PCDH15: variants seen among roughly 807,000 people sequenced by gnomAD.
PCDH15 encodes the protein protocadherin-15.
In PCDH15, 129 loss-of-function variants were observed where a neutral mutation model predicts 178.5. The observed-to-expected ratio is 0.72, with a 90% CI of 0.63 to 0.84. The LOEUF (loss-of-function observed/expected upper bound fraction) is 0.84. PCDH15 is among the 40% of genes least tolerant of loss of function. The probability of loss-of-function intolerance (pLI) is 0.00; values close to 1 mark genes in which losing one functional copy is unlikely to be tolerated. For missense variants in PCDH15, 2,230 were observed against 2,099.9 expected (o/e 1.06, Z -1.21); for synonymous variants, 800 against 732.0 (o/e 1.09, Z -1.50).
chr10:53,924,798 C>G (rs1174553935), intron 25 of PCDH15, among the ~76,000 whole-genome samples: 2 of 152,168 alleles, frequency 1.3e-5, no homozygotes, highest in Non-Finnish European at 2.9e-5. Flanking sequence ...TTATGTCTAG[C>G]TAAGGGACTG....
At chr10:55,015,494 T>A (rs1190625534) in intron 2 of PCDH15, among the ~76,000 whole-genome samples, 1 of 152,276 alleles carries the variant, frequency 6.6e-6, no homozygotes, top group Non-Finnish European at 1.5e-5. Context: ...CTGTTCAATG[T>A]ACTTAGGAAG....
At position 54,277,855 on chromosome 10, in the gene PCDH15, G is replaced by A. The variant is rs1399315660; in HGVS notation, c.876+39416C>T. Among the ~76,000 whole-genome samples the A allele has an allele frequency of 2.0e-5, 3 of 150,894 alleles. No individual in the cohort carries two copies. The Admixed American group carries it at 2.0e-4, about 10-fold the overall frequency. On this transcript the variant is annotated intron_variant, in intron 8 of 37. Coordinates refer to ENST00000644397, the MANE Select transcript of PCDH15 (RefSeq NM_001384140.1). ...GATTGTAGGGTGAGAGGAGTATAGA[G>A]GAAGCCAATATAATACATCAAGGTT... is the stretch of plus-strand genomic sequence containing the variant.
At chr10:54,892,282 A>G (rs1289979187) in intron 3 of PCDH15, among the ~76,000 whole-genome samples, 1 of 152,200 alleles carries the variant, frequency 6.6e-6, no homozygotes, top group African/African-American at 2.4e-5. Flanking sequence ...GTTTAAGTAA[A>G]ATAAATTTTA....
chr10:55,499,160 G>C lies in PCDH15; in HGVS notation c.-156+128465C>G, dbSNP rs77792888. The stretch of plus-strand genomic sequence containing the variant: ...TGATTTCTTCTTGGTGAGACACTGA[G>C]CAGGGGAAATAGCTTATCCAAACCC... On this transcript the variant is annotated intron_variant, in intron 2 of 5. Transcript: ENST00000613346. Among the ~76,000 whole-genome samples, 919 of 151,844 alleles carry C rather than the reference G, an allele frequency of 6.1e-3. 10 individuals are homozygous for C. The highest frequency in any genetic ancestry group is 0.021 in the African/African-American group (886 of 41,468).
chr10:53,935,861 A>G (rs1174780044), intron 25 of PCDH15, among the ~76,000 whole-genome samples: 1 of 152,000 alleles, frequency 6.6e-6, no homozygotes, highest in Non-Finnish European at 1.5e-5. Context: ...TGAATATAGA[A>G]GTAATAAAAA....
At chr10:53,979,946 C>T (rs528065375) in intron 21 of PCDH15, among the ~76,000 whole-genome samples, 21 of 152,270 alleles carry the variant, frequency 1.4e-4, no homozygotes, top group East Asian at 5.8e-4. Flanking sequence ...AGGCCAGGTG[C>T]GGCGGCTCAC....
At chr10:54,125,524 T>C (rs1048023789) in intron 15 of PCDH15, among the ~76,000 whole-genome samples, 3 of 152,176 alleles carry the variant, frequency 2.0e-5, no homozygotes, top group Non-Finnish European at 4.4e-5. Context: ...AGATGTACTT[T>C]GCTATTGAAG....
At chr10:54,293,081 A>G (rs867492491) in intron 8 of PCDH15, among the ~76,000 whole-genome samples, 2 of 152,340 alleles carry the variant, frequency 1.3e-5, no homozygotes, top group South Asian at 2.1e-4. Flanking sequence ...ACAAAGCTAC[A>G]GTAACCAAAA....
chr10:55,248,122 C>G (rs1418215168), intron 1 of PCDH15, among the ~76,000 whole-genome samples: 3 of 151,044 alleles, frequency 2.0e-5, no homozygotes, highest in Non-Finnish European at 4.4e-5. Flanking sequence ...TTGGGGCTTT[C>G]TTAATCTTTT....
rs1554965277 is a variant in PCDH15 at position 54,099,513 on chromosome 10, AAT to A, written c.1918-9452_1918-9451del. 1.8e-3 allele frequency among the ~76,000 whole-genome samples: 217 copies of A among 117,878 alleles called. 5 individuals are homozygous for A. The highest frequency in any genetic ancestry group is 7.6e-3 in the East Asian group (30 of 3,936). The allele number at this position is 117,878 out of a possible 152,430, so 77.3% of individuals were successfully genotyped here. A position where few individuals can be genotyped will look rare whatever the true frequency, so the allele number is the denominator to read the frequency against. ...GACTCCATCTCAAAAAAAAAAAAAAAATATATATATATATATATAAAACAAAA... is the reference window on the plus strand; with the variant it reads ...GACTCCATCTCAAAAAAAAAAAAAAAATATATATATATATATAAAACAAAA... On this transcript the variant is annotated intron_variant, in intron 15 of 37. Coordinates refer to ENST00000644397, the MANE Select transcript of PCDH15 (RefSeq NM_001384140.1).
chr10:54,683,745 A>G (rs1298429534), intron 1 of PCDH15, among the ~76,000 whole-genome samples: 1 of 152,122 alleles, frequency 6.6e-6, no homozygotes, highest in Non-Finnish European at 1.5e-5. Context: ...TTTGAAGTAC[A>G]TTATGCTTGC....
intron 23 of PCDH15, among the ~76,000 whole-genome samples, chr10:53,952,095 G>A (rs1436135227): frequency 6.6e-6 from 1 of 152,196 alleles, no homozygotes; most frequent in Non-Finnish European, 1.5e-5. Context: ...CCCTGGCTCA[G>A]GGAGCTCCTA....
chr10:53,813,887 G>C (rs1340253615), intron 35 of PCDH15, among the ~76,000 whole-genome samples: 1 of 152,134 alleles, frequency 6.6e-6, no homozygotes, highest in Non-Finnish European at 1.5e-5. Context: ...AGCTTGAGGG[G>C]CATGTGCACT....
At chr10:55,580,435 G>A (rs1230306014) in intron 2 of PCDH15, among the ~76,000 whole-genome samples, 1 of 148,026 alleles carries the variant, frequency 6.8e-6, no homozygotes, top group Non-Finnish European at 1.5e-5. Flanking sequence ...TCGGCTCACT[G>A]CAACCTCTGC....
At chr10:54,025,893 T>TAGTA (rs1042088153) in intron 18 of PCDH15, among the ~76,000 whole-genome samples, 2 of 152,130 alleles carry the variant, frequency 1.3e-5, no homozygotes, top group African/African-American at 4.8e-5. Flanking sequence ...TCTGACCTAC[T>TAGTA]CTTCAGGCAT....
chr10:55,069,742 G>A (rs1356439232), intron 2 of PCDH15, among the ~76,000 whole-genome samples: 1 of 144,932 alleles, frequency 6.9e-6, no homozygotes, highest in African/African-American at 2.5e-5. Context: ...AAACATATGT[G>A]TGCATGTGTC....
intron 1 of PCDH15, among the ~76,000 whole-genome samples, chr10:55,255,700 C>T (rs1841977917): frequency 6.6e-6 from 1 of 152,166 alleles, no homozygotes; most frequent in South Asian, 2.1e-4. Context: ...TCTCTGATGG[C>T]CAGTGATGAT....
intron 2 of PCDH15, among the ~76,000 whole-genome samples, chr10:55,000,819 G>C (rs1839779587): frequency 6.6e-6 from 1 of 151,990 alleles, no homozygotes; most frequent in Non-Finnish European, 1.5e-5. Context: ...CAACAGAGCT[G>C]CACCTGTCCA....
intron 26 of PCDH15, among the ~76,000 whole-genome samples, chr10:53,886,672 A>C (rs1353772248): frequency 6.9e-6 from 1 of 144,704 alleles, no homozygotes; most frequent in African/African-American, 2.6e-5. Context: ...GCTCTGAACC[A>C]GAATATTGAG....
Sources: allele counts gnomAD v4.1 joint callset (sites outside exome capture counted in the v4.1 genomes callset), GRCh38; gene constraint gnomAD v4.1.1; transcripts MANE v1.5; gene names NCBI Gene and HGNC (gene_info 2026-07-23, HGNC 2026-07-21).